Variants in WDR31 observed in about 807,000 individuals in gnomAD.
WDR31 encodes the protein WD repeat-containing protein 31.
WDR31 carries 30 observed loss-of-function variants against 47.3 expected under a neutral mutation model. The ratio of observed to expected loss-of-function variants is 0.63; its 90% CI spans 0.47 to 0.86. The LOEUF is 0.86. Among genes scored for constraint, WDR31 ranks in the 40% least tolerant of loss-of-function variants. The pLI, the probability that WDR31 is intolerant of heterozygous loss-of-function variation, is 0.00. For synonymous variants in WDR31, 137 were observed against 159.4 expected, an observed-to-expected ratio of 0.86 and a Z score of 1.06; for missense variants, 406 against 442.9, an observed-to-expected ratio of 0.92 and a Z score of 0.75.
At chr9:113,327,153 T>C (rs1833489223) in intron 5 of WDR31, among the ~76,000 whole-genome samples, 1 of 152,086 alleles carries the variant, frequency 6.6e-6, no homozygotes, top group Admixed American at 6.5e-5. Context: ...TTTTTTCAAT[T>C]TCTTGTTTCA....
intron 9 of WDR31, 138 bp downstream of exon 9, chr9:113,320,219 G>A: frequency 8.9e-7 from 1 of 1,128,406 alleles, no homozygotes; most frequent in Non-Finnish European, 1.2e-6. Flanking sequence ...GAATGCAAAG[G>A]ATCACTCACA....
rs963695521 is a variant in WDR31, at chr9:113,322,613, T to C, written c.570+198A>G. On this transcript the variant is annotated intron_variant, in intron 7 of 10. Coordinates refer to ENST00000374193, the MANE Select transcript of WDR31 (RefSeq NM_001012361.4). ...ATTCCAATATAAGTGAGTAAAATCA[T>C]TGTCTGGAGCAGAAGACTCAAGGGA... Among the ~76,000 whole-genome samples the C allele has an allele frequency of 2.6e-5, 4 of 152,072 alleles. No homozygotes were observed. The South Asian group carries it at 8.3e-4, about 32-fold the overall frequency.
chr9:113,323,736 C>T (rs1463949999), intron 5 of WDR31, among the ~76,000 whole-genome samples: 1 of 152,198 alleles, frequency 6.6e-6, no homozygotes, highest in Non-Finnish European at 1.5e-5. Flanking sequence ...ATCATGTCAC[C>T]TTGGTGAGGA....
chr9:113,331,711 C>A (rs924966732), intron 3 of WDR31, among the ~76,000 whole-genome samples, 196 bp downstream of exon 3: 1 of 152,170 alleles, frequency 6.6e-6, no homozygotes, highest in South Asian at 2.1e-4. Context: ...GCTTCCAAAG[C>A]GCTGGGATTA....
At chr9:113,321,397 A>G (rs1833324189) in intron 8 of WDR31, 114 bp downstream of exon 8, 4 of 1,047,234 alleles carry the variant, frequency 3.8e-6, no homozygotes, top group Non-Finnish European at 5.7e-6. Context: ...AGAGGAACAG[A>G]AGGCTCTGGG....
At chr9:113,325,243 T>C (rs971543844) in intron 5 of WDR31, among the ~76,000 whole-genome samples, 1 of 152,112 alleles carries the variant, frequency 6.6e-6, no homozygotes, top group African/African-American at 2.4e-5. Flanking sequence ...GCATGAGCCA[T>C]CGTGCCCAGC....
At chr9:113,331,855 A>G in intron 3 of WDR31, 52 bp downstream of exon 3, 1 of 1,543,322 alleles carries the variant, frequency 6.5e-7, no homozygotes, top group Admixed American at 1.7e-5. Flanking sequence ...TTCAGTGGAG[A>G]GTTTTAATGG....
chr9:113,333,370 A>ATTTTTTT (rs60772699), intron 2 of WDR31, among the ~76,000 whole-genome samples: 1 of 102,942 alleles, frequency 9.7e-6, no homozygotes, highest in African/African-American at 3.4e-5. Context: ...TGGTTGTTGG[A>ATTTTTTT]TTTTTTTTTT....
chr9:113,329,749 G>A (rs1303553996), intron 4 of WDR31, among the ~76,000 whole-genome samples: 21 of 140,640 alleles, frequency 1.5e-4, no homozygotes, highest in East Asian at 1.1e-3. Context: ...TGAGGCGGGC[G>A]GATCACCTGA....
intron 5 of WDR31, among the ~76,000 whole-genome samples, chr9:113,324,828 ATG>A (rs57088850): frequency 0.06 from 8,225 of 137,996 alleles, 241 homozygotes; most frequent in Middle Eastern, 0.078. Context: ...ATATATATAT[ATG>A]TGTGTGTGTG....
intron 2 of WDR31, among the ~76,000 whole-genome samples, chr9:113,333,366 T>C (rs1286554290): frequency 6.9e-6 from 1 of 145,182 alleles, no homozygotes; most frequent in African/African-American, 2.5e-5. Context: ...TCCTTGGTTG[T>C]TGGATTTTTT....
At chr9:113,318,789 C>T in intron 9 of WDR31, 152 bp from the exon 10 acceptor site, 1 of 752,178 alleles carries the variant, frequency 1.3e-6, no homozygotes. Context: ...GACCCAACAA[C>T]CCATCCATCC....
At chr9:113,337,104 C>A (rs900032623) in intron 1 of WDR31, among the ~76,000 whole-genome samples, 6 of 152,176 alleles carry the variant, frequency 3.9e-5, no homozygotes, top group Non-Finnish European at 8.8e-5. Flanking sequence ...ATAGTCAGAA[C>A]AACATTTCAT....
At position 113,314,305 on chromosome 9, in the gene WDR31, C is replaced by T. The variant is rs1175945310; in HGVS notation, c.*2444G>A. On this transcript the variant is annotated 3_prime_UTR_variant, in exon 11 of 11. Transcript: ENST00000374193. The stretch of plus-strand genomic sequence containing the variant: ...TCTCAGCTCACTGCAACCTCTGCCT[C>T]CCCGGTTGAAGCGATTCTCCTGCCT... The T allele has an allele frequency of 2.0e-5, 3 of 151,178 alleles. No individual in the cohort carries two copies. Among genetic ancestry groups the T allele is most frequent in the Non-Finnish European group, 1.5e-5 (1 of 67,882 alleles). 9.4% of individuals were successfully genotyped at this position (151,178 alleles called of 1,614,324 possible).
chr9:113,322,934 ACAG>A (rs1833360275), intron 6 of WDR31, 23 bp from the exon 7 acceptor site: 4 of 1,614,120 alleles, frequency 2.5e-6, no homozygotes, highest in Non-Finnish European at 3.4e-6. Context: ...TGGTGAGAAG[ACAG>A]CCTGTGAGTG....
rs745777801 is a variant in WDR31, at chr9:113,318,467, C to G, written c.943+8G>C. 1.2e-6 allele frequency: 2 copies of G among 1,614,154 alleles called. No homozygotes were observed. Among genetic ancestry groups the G allele is most frequent in the South Asian group, 2.2e-5 (2 of 91,082 alleles). ...TCTTTTGAGGAGAACTAACAGCAGG[C>G]TGCTTACCTCCAGTATCTTGGTTCC... On this transcript the variant is annotated splice_region_variant and intron_variant, in intron 10 of 10. Transcript: ENST00000374193.
chr9:113,326,037 G>C (rs756496952), intron 5 of WDR31, among the ~76,000 whole-genome samples: 1 of 152,094 alleles, frequency 6.6e-6, no homozygotes, highest in East Asian at 1.9e-4. Flanking sequence ...TCAGCCTCTC[G>C]AGTAGCTGGG....
chr9:113,319,332 T>G (rs907265335), intron 9 of WDR31, among the ~76,000 whole-genome samples: 2 of 152,176 alleles, frequency 1.3e-5, no homozygotes, highest in Non-Finnish European at 2.9e-5. Flanking sequence ...CTGGAAATGT[T>G]TCACTTAGAA....
chr9:113,330,529 C>T (rs1403275984), intron 4 of WDR31, among the ~76,000 whole-genome samples: 1 of 152,136 alleles, frequency 6.6e-6, no homozygotes, highest in African/African-American at 2.4e-5. Flanking sequence ...GACAAAAACA[C>T]AGGGAGGAAT....
Sources: gnomAD v4.1 joint callset for allele counts (sites outside exome capture counted in the v4.1 genomes callset) on GRCh38, gnomAD v4.1.1 for gene constraint, MANE v1.5 for transcripts, NCBI Gene and HGNC (gene_info 2026-07-23, HGNC 2026-07-21) for gene names.